TBX20: variants seen among roughly 807,000 people sequenced by gnomAD.
TBX20 encodes the protein T-box transcription factor 20, also known as T-box transcription factor TBX20.
A neutral mutation model predicts 42.9 loss-of-function variants in TBX20; 8 were observed. The observed-to-expected ratio is 0.19, with a 90% CI of 0.11 to 0.34. TBX20 has a LOEUF of 0.34. TBX20 is among the 10% of genes least tolerant of loss of function. The pLI is 1.00. For missense variants in TBX20, 411 were observed against 566.0 expected, an observed-to-expected ratio of 0.73 and a Z score of 2.78; for synonymous variants, 198 against 222.8, an observed-to-expected ratio of 0.89 and a Z score of 0.99.
intron 3 of TBX20, among the ~76,000 whole-genome samples, chr7:35,247,661 C>T (rs1790219696): frequency 6.6e-6 from 1 of 152,158 alleles, no homozygotes; most frequent in Non-Finnish European, 1.5e-5. Context: ...CGTAACTTAA[C>T]AGTTCCCAAA....
chr7:35,208,517 C>A (rs142264363), intron 6 of TBX20, among the ~76,000 whole-genome samples: 1 of 151,886 alleles, frequency 6.6e-6, no homozygotes, highest in African/African-American at 2.4e-5. Flanking sequence ...CTAAGGTGGG[C>A]GGATCACCTG....
chr7:35,249,537 A>G lies in TBX20; in HGVS notation c.380+414T>C, dbSNP rs1381773722. 6.6e-6 allele frequency among the ~76,000 whole-genome samples: 1 copy of G among 152,216 alleles called. No individual in the cohort carries two copies. The highest frequency in any genetic ancestry group is 1.5e-5 in the Non-Finnish European group (1 of 68,036). On this transcript the variant is annotated intron_variant, in intron 2 of 7. Coordinates refer to ENST00000408931, the MANE Select transcript of TBX20 (RefSeq NM_001077653.2). The surrounding 1 kb of genome is among the most constrained non-coding windows in gnomAD (Gnocchi z 4.3). The stretch of plus-strand genomic sequence containing the variant: ...TTTAATGGGAGCTGGCAGCTTTTGC[A>G]AATTGAGGCTGATAAAAGGGAAGCT...
At chr7:35,246,908 T>C (rs1790200316) in intron 3 of TBX20, among the ~76,000 whole-genome samples, 1 of 152,006 alleles carries the variant, frequency 6.6e-6, no homozygotes. Context: ...CTAGGATTAA[T>C]GAAAAAATAT....
Position 35,253,749 on chromosome 7 carries a change from C to A in TBX20, c.-129G>T. The A allele has an allele frequency of 1.7e-6, 2 of 1,201,522 alleles. No individual in the cohort carries two copies. Among genetic ancestry groups the A allele is most frequent in the Non-Finnish European group, 2.3e-6 (2 of 863,882 alleles). The allele number at this position is 1,201,522 out of a possible 1,614,324, so 74.4% of individuals were successfully genotyped here. ...GCAGTCACAGCGGGGCCAGGGACTCCAGAAGTGTCAGCTCCAACGACTCCA... is the reference window on the plus strand; with the variant it reads ...GCAGTCACAGCGGGGCCAGGGACTCAAGAAGTGTCAGCTCCAACGACTCCA... On this transcript the variant is annotated 5_prime_UTR_variant, in exon 1 of 8. Transcript: ENST00000408931.
Position 35,210,570 on chromosome 7 carries a change from GT to G in TBX20, c.891-5989del, listed in dbSNP as rs961311853. Reference sequence around the variant, plus strand: ...TCCAACCATTATTGTATATTTGTCTGTTTTTTTATACTTCTATCAGACATAA... The same window carrying G: ...TCCAACCATTATTGTATATTTGTCTGTTTTTTATACTTCTATCAGACATAA... On this transcript the variant is annotated intron_variant, in intron 6 of 7. Transcript: ENST00000408931. 5.3e-5 allele frequency among the ~76,000 whole-genome samples: 8 copies of G among 151,824 alleles called. No homozygotes were observed. In the East Asian group the frequency reaches 1.5e-3, roughly 29 times the overall value.
At chr7:35,238,488 A>T (rs1202338582) in intron 5 of TBX20, among the ~76,000 whole-genome samples, 2 of 152,228 alleles carry the variant, frequency 1.3e-5, no homozygotes, top group Non-Finnish European at 2.9e-5. Flanking sequence ...ATTCCCAAAC[A>T]TCAATAAGGT....
intron 6 of TBX20, among the ~76,000 whole-genome samples, chr7:35,211,372 T>C (rs2128710648): frequency 6.6e-6 from 1 of 152,314 alleles, no homozygotes; most frequent in Non-Finnish European, 1.5e-5. Context: ...TATAATTTTC[T>C]TTCTGGTTGA....
At position 35,240,991 on chromosome 7, in the gene TBX20, A is replaced by C. The variant is rs1790067271; in HGVS notation, c.701T>G (p.Ile234Ser). 5 of 1,613,888 alleles carry C rather than the reference A, an allele frequency of 3.1e-6. No homozygotes were observed. Among genetic ancestry groups the C allele is most frequent in the Non-Finnish European group, 4.2e-6 (5 of 1,179,778 alleles). The change falls in exon 5 of 8, where the codon ATT becomes AGT. Residue 234 changes from isoleucine to serine, a missense_variant. Coordinates refer to ENST00000408931, the MANE Select transcript of TBX20 (RefSeq NM_001077653.2). ...TGAGGCTGTGTGGTCTTTCTTCTTAATGATGTGCACCCTTGGCTGGTACTT... is the reference window on the plus strand; with the variant it reads ...TGAGGCTGTGTGGTCTTTCTTCTTACTGATGTGCACCCTTGGCTGGTACTT... ...MHKYQPRVHIIKKKDHTASLL... is the reference protein window; with the variant it reads ...MHKYQPRVHISKKKDHTASLL...
chr7:35,242,181 G>A (rs552418357), intron 4 of TBX20, among the ~76,000 whole-genome samples: 2 of 152,306 alleles, frequency 1.3e-5, no homozygotes, highest in African/African-American at 4.8e-5. Flanking sequence ...ATTGACTTTA[G>A]CAGAGTTGAA....
In TBX20 at chr7:35,249,337, A is replaced by G. The variant is rs1318336217; in HGVS notation, c.381-496T>C. Among the ~76,000 whole-genome samples, 1 of 152,180 alleles carries G rather than the reference A, an allele frequency of 6.6e-6. No individual in the cohort carries two copies. The highest frequency in any genetic ancestry group is 2.4e-5 in the African/African-American group (1 of 41,446). On this transcript the variant is annotated intron_variant, in intron 2 of 7. Coordinates refer to ENST00000408931, the MANE Select transcript of TBX20 (RefSeq NM_001077653.2). The surrounding 1 kb of genome is among the most constrained non-coding windows in gnomAD (Gnocchi z 4.3). ...TATTTTCTGTAGTCCCAAGAGCTAG[A>G]GCCACCAAGTTTTGCCAGCCTCTGC...
intron 5 of TBX20, among the ~76,000 whole-genome samples, chr7:35,236,437 T>C (rs1347018594): frequency 2.0e-5 from 3 of 152,202 alleles, no homozygotes; most frequent in Non-Finnish European, 4.4e-5. Flanking sequence ...TTGTATGCTA[T>C]AGGAAACTTA....
chr7:35,248,952 C>A, intron 2 of TBX20, 111 bp from the exon 3 acceptor site: 1 of 1,277,490 alleles, frequency 7.8e-7, no homozygotes, highest in East Asian at 2.4e-5. Context: ...TCTGACTCCC[C>A]TCTCTATCCG....
intron 3 of TBX20, among the ~76,000 whole-genome samples, chr7:35,245,319 G>GGGGTGTGTGTGT (rs1554287407): frequency 1.4e-5 from 2 of 146,498 alleles, no homozygotes; most frequent in East Asian, 2.0e-4. Context: ...TGTTTAAAGG[G>GGGGTGTGTGTGT]GTGTGTGTGT....
At chr7:35,237,394 T>C (rs536108946) in intron 5 of TBX20, among the ~76,000 whole-genome samples, 1 of 151,630 alleles carries the variant, frequency 6.6e-6, no homozygotes, top group South Asian at 2.1e-4. Context: ...CTAGGTGATA[T>C]AAAGAACAAA....
chr7:35,223,987 T>C (rs935423292), intron 6 of TBX20, among the ~76,000 whole-genome samples: 1 of 152,098 alleles, frequency 6.6e-6, no homozygotes, highest in Non-Finnish European at 1.5e-5. Context: ...AGCAAAAATT[T>C]AAAAAGGGTA....
rs1790239474 is a variant in TBX20 at position 35,248,623 on chromosome 7, C to A, written c.545+54G>T. 198 of 1,584,736 alleles carry A rather than the reference C, an allele frequency of 1.2e-4. 4 individuals are homozygous for A. In the South Asian group the frequency reaches 2.2e-3, roughly 17 times the overall value. The stretch of plus-strand genomic sequence containing the variant: ...GCTTAAAATTCACACAAGCCAGAAA[C>A]ATTCTGACAGATGCACTAACAGTTT... On this transcript the variant is annotated intron_variant, in intron 3 of 7. Transcript: ENST00000408931.
intron 6 of TBX20, among the ~76,000 whole-genome samples, chr7:35,228,391 C>T (rs769483425): frequency 3.9e-5 from 6 of 151,972 alleles, no homozygotes; most frequent in South Asian, 2.1e-4. Context: ...AATGTTCATA[C>T]GTGCATAAGA....
At chr7:35,241,487 C>A (rs1237804153) in intron 4 of TBX20, among the ~76,000 whole-genome samples, 1 of 131,188 alleles carries the variant, frequency 7.6e-6, no homozygotes, top group Non-Finnish European at 1.7e-5. Flanking sequence ...GGGTGTTAGA[C>A]AGACTTGGGT....
chr7:35,220,993 G>A (rs1789673331), intron 6 of TBX20, among the ~76,000 whole-genome samples: 3 of 152,094 alleles, frequency 2.0e-5, no homozygotes, highest in Admixed American at 2.0e-4. Flanking sequence ...AAAGACAGAA[G>A]CCAGAATATT....
Sources: allele counts gnomAD v4.1 joint callset (sites outside exome capture counted in the v4.1 genomes callset), GRCh38; gene constraint gnomAD v4.1.1; non-coding constraint Gnocchi (gnomAD v3.1); transcripts MANE v1.5; gene names NCBI Gene and HGNC (gene_info 2026-07-23, HGNC 2026-07-21).